RHOBTB2: variants seen among roughly 807,000 people sequenced by gnomAD.
The protein encoded by RHOBTB2 is rho-related BTB domain-containing protein 2.
RHOBTB2 carries 39 observed loss-of-function variants against 66.5 expected under a neutral mutation model. The ratio of observed to expected loss-of-function variants is 0.59; its 90% confidence interval spans 0.45 to 0.77. The LOEUF (loss-of-function observed/expected upper bound fraction) is 0.77, where lower values mean the gene tolerates loss of function less well. Among genes scored for constraint, RHOBTB2 ranks in the 30% least tolerant of loss-of-function variants. RHOBTB2 has a pLI of 0.00. For synonymous variants in RHOBTB2, 390 were observed against 395.0 expected (o/e 0.99, Z 0.15); for missense variants, 755 against 999.1 (o/e 0.76, Z 3.29).
chr8:23,001,199 G>A (rs902272385), intron 1 of RHOBTB2, among the ~76,000 whole-genome samples: 5 of 152,136 alleles, frequency 3.3e-5, no homozygotes, highest in African/African-American at 1.2e-4. Context: ...GAGTGAGTTG[G>A]GGGTTGTGAT....
upstream of RHOBTB2, among the ~76,000 whole-genome samples, chr8:22,996,803 C>T (rs922890607): frequency 6.6e-6 from 1 of 152,060 alleles, no homozygotes; most frequent in African/African-American, 2.4e-5. Context: ...GAAGGCCCAA[C>T]AGCACCTTGC....
At chr8:22,995,702 G>C, upstream of RHOBTB2, 1 of 720,686 alleles carries the variant, frequency 1.4e-6, no homozygotes, top group Non-Finnish European at 2.4e-6. Flanking sequence ...TCTGCATCTT[G>C]AAATGCCTCT....
At chr8:22,952,420 G>C in the RHOBTB2 span, among the ~76,000 whole-genome samples, 1 of 152,086 alleles carries the variant, frequency 6.6e-6, no homozygotes, top group East Asian at 1.9e-4. Flanking sequence ...TTAAAGGCAG[G>C]AGTCTGTACT....
At position 23,017,183 on chromosome 8, in the gene RHOBTB2, G is replaced by C; in HGVS notation, c.1967-69G>C. The C allele has an allele frequency of 6.3e-7, 1 of 1,588,110 alleles. No individual in the cohort carries two copies. Among genetic ancestry groups the C allele is most frequent in the Non-Finnish European group, 8.6e-7 (1 of 1,165,590 alleles). ...TGCTGCAGGCCTTGTGGTGGGGTAG[G>C]GCTGGTGTCCCACGTTCCTCTTGTC... On this transcript the variant is annotated intron_variant, in intron 9 of 9. Coordinates refer to ENST00000251822, the MANE Select transcript of RHOBTB2 (RefSeq NM_015178.3). This position sits in a 1 kb window ranked among gnomAD's most constrained non-coding sequence, Gnocchi z 5.3.
Position 23,006,323 on chromosome 8 carries a change from T to A in RHOBTB2, c.482+178T>A. ...TTCATTCATATACCTGTTGCACACC[T>A]CTGGTGTGGGCAGTGCTATGTAAAG... On this transcript the variant is annotated intron_variant, in intron 4 of 9. Transcript: ENST00000251822. The surrounding 1 kb of genome is among the most constrained non-coding windows in gnomAD (Gnocchi z 6.1). The A allele has an allele frequency of 3.3e-6, 2 of 607,842 alleles. No homozygotes were observed. The highest frequency in any genetic ancestry group is 5.8e-6 in the Non-Finnish European group (2 of 344,004). 37.7% of individuals were successfully genotyped at this position (607,842 alleles called of 1,614,324 possible).
the RHOBTB2 span, among the ~76,000 whole-genome samples, chr8:22,973,926 C>T: frequency 6.6e-6 from 1 of 152,170 alleles, no homozygotes; most frequent in Non-Finnish European, 1.5e-5. Flanking sequence ...CTCCCACGCC[C>T]CACCATTTGA....
At chr8:22,982,447 C>A (rs1037600442), upstream of RHOBTB2, among the ~76,000 whole-genome samples, 8 of 152,022 alleles carry the variant, frequency 5.3e-5, no homozygotes, top group Non-Finnish European at 1.5e-5. Flanking sequence ...CATGGAGAAA[C>A]CCTGTCTCTA....
At chr8:23,013,919 C>G (rs1163841502) in intron 7 of RHOBTB2, among the ~76,000 whole-genome samples, 1 of 152,234 alleles carries the variant, frequency 6.6e-6, no homozygotes, top group Non-Finnish European at 1.5e-5. Flanking sequence ...ACTCCAGAGT[C>G]TTACGAGCTT....
rs1810992374 is a variant in RHOBTB2 at position 23,007,244 on chromosome 8, CCAT to C, written c.1000_1002del (p.His334del). 1.2e-6 allele frequency: 2 copies of C among 1,611,222 alleles called. No homozygotes were observed. The highest frequency in any genetic ancestry group is 3.3e-5 in the Admixed American group (2 of 59,966). Reference sequence around the variant, plus strand: ...AACACCACCACCATCACCACCACCACCATGGGCGAGACTTCCTGCTCCGAGCAG... The same window carrying C: ...AACACCACCACCATCACCACCACCACGGGCGAGACTTCCTGCTCCGAGCAG... On this transcript the variant is annotated inframe_deletion, in exon 5 of 10. Coordinates refer to ENST00000251822, the MANE Select transcript of RHOBTB2 (RefSeq NM_015178.3).
rs755325607 is a variant in RHOBTB2 at position 23,006,947 on chromosome 8, A to C, written c.702A>C (p.Leu234=). ...VQRPLLQAPF[L]PPKPPPPIIV... ...GGCCTCTGCTGCAGGCACCCTTCCTACCCCCCAAGCCACCGCCCCCGATCA... is the reference window on the plus strand; with the variant it reads ...GGCCTCTGCTGCAGGCACCCTTCCTCCCCCCCAAGCCACCGCCCCCGATCA... Residue 234 remains leucine (L), a synonymous_variant, in exon 5 of 10, where the codon CTA becomes CTC. Coordinates refer to ENST00000251822, the MANE Select transcript of RHOBTB2 (RefSeq NM_015178.3). This position sits in a 1 kb window ranked among gnomAD's most constrained non-coding sequence, Gnocchi z 6.1. 6.2e-7 allele frequency: 1 copy of C among 1,611,066 alleles called. No individual in the cohort carries two copies. The highest frequency in any genetic ancestry group is 1.1e-5 in the South Asian group (1 of 90,994).
At chr8:22,966,409 C>A in the RHOBTB2 span, among the ~76,000 whole-genome samples, 1 of 151,660 alleles carries the variant, frequency 6.6e-6, no homozygotes, top group Admixed American at 6.6e-5. Flanking sequence ...AAAAAACAAA[C>A]AACCCAAGCA....
At chr8:22,967,973 A>G in the RHOBTB2 span, among the ~76,000 whole-genome samples, 3 of 152,084 alleles carry the variant, frequency 2.0e-5, no homozygotes, top group Non-Finnish European at 2.9e-5. Flanking sequence ...CCTGGGCAAC[A>G]TGGTAAAACC....
chr8:23,007,859 G>T, intron 5 of RHOBTB2, 113 bp downstream of exon 5: 3 of 1,508,874 alleles, frequency 2.0e-6, no homozygotes, highest in Non-Finnish European at 2.7e-6. Flanking sequence ...TTGAAGCCTG[G>T]TTTTCCCCAG....
At chr8:22,966,050 T>C in the RHOBTB2 span, among the ~76,000 whole-genome samples, 1 of 151,972 alleles carries the variant, frequency 6.6e-6, no homozygotes, top group Non-Finnish European at 1.5e-5. Flanking sequence ...TCAGAATATA[T>C]AGAAAATTTA....
At chr8:22,985,562 G>T (rs1373341012), upstream of RHOBTB2, among the ~76,000 whole-genome samples, 2 of 152,186 alleles carry the variant, frequency 1.3e-5, no homozygotes, top group South Asian at 2.1e-4. Flanking sequence ...CTCCTCAGAG[G>T]CCTCTTGTGG....
rs1225461747 is a variant in RHOBTB2 at position 22,999,822 on chromosome 8, T to C, written c.-294T>C. 181 of 983,726 alleles carry C rather than the reference T, an allele frequency of 1.8e-4. No individual in the cohort carries two copies. The Middle Eastern group carries it at 3.1e-3, about 17-fold the overall frequency. 60.9% of individuals were successfully genotyped at this position (983,726 alleles called of 1,614,324 possible). A position where few individuals can be genotyped will look rare whatever the true frequency, so the allele number is the denominator to read the frequency against. ...CCCGGCTCCGCGCGCCGCCGTGACA[T>C]TGGGCGCCTGGCGCGCGGGGCGATG... On this transcript the variant is annotated 5_prime_UTR_variant, in exon 1 of 10. Transcript: ENST00000251822.
At chr8:23,010,101 C>T (rs899210868) in intron 6 of RHOBTB2, among the ~76,000 whole-genome samples, 11 of 152,026 alleles carry the variant, frequency 7.2e-5, no homozygotes, top group East Asian at 1.9e-4. Flanking sequence ...TCAAGCATCC[C>T]GCGAGCAAGA....
At chr8:23,011,012 T>C (rs1811130670) in intron 7 of RHOBTB2, among the ~76,000 whole-genome samples, 1 of 152,202 alleles carries the variant, frequency 6.6e-6, no homozygotes, top group African/African-American at 2.4e-5. Context: ...GGAGGATCAC[T>C]TGAGGCCAGG....
chr8:22,963,674 T>C, the RHOBTB2 span, among the ~76,000 whole-genome samples: 1 of 152,180 alleles, frequency 6.6e-6, no homozygotes, highest in African/African-American at 2.4e-5. Flanking sequence ...CTCACAATCA[T>C]GGCGGAAGGC....
Sources: allele counts gnomAD v4.1 joint callset (sites outside exome capture counted in the v4.1 genomes callset), GRCh38; gene constraint gnomAD v4.1.1; non-coding constraint Gnocchi (gnomAD v3.1); transcripts MANE v1.5; gene names NCBI Gene and HGNC (gene_info 2026-07-23, HGNC 2026-07-21).